The following MORN5 variants were observed in gnomAD, a reference collection of about 807,000 sequenced individuals.
The protein encoded by MORN5 is MORN repeat-containing protein 5.
In MORN5, 21 loss-of-function variants were observed where a neutral mutation model predicts 22.1. The observed-to-expected ratio is 0.95, with a 90% CI of 0.67 to 1.37. The LOEUF is 1.37. MORN5 is among the 40% of genes most tolerant of loss of function. The probability of loss-of-function intolerance (pLI) is 0.00; values close to 1 mark genes in which losing one functional copy is unlikely to be tolerated. For missense variants in MORN5, 211 were observed against 215.1 expected (o/e 0.98, Z 0.12); for synonymous variants, 73 against 74.0 (o/e 0.99, Z 0.07).
chr9:122,174,426 G>T, intron 3 of MORN5, 70 bp from the exon 4 acceptor site: 1 of 1,558,104 alleles, frequency 6.4e-7, no homozygotes, highest in Non-Finnish European at 8.8e-7. Context: ...GCCACAAGTG[G>T]ACCTTATGGG....
chr9:122,174,958 G>C, intron 4 of MORN5: 1 of 828,590 alleles, frequency 1.2e-6, no homozygotes, highest in Non-Finnish European at 1.5e-6. Context: ...GGTGTTGGGG[G>C]AAAAGCAGAG....
chr9:122,174,850 C>A (rs982871019), intron 4 of MORN5: 1 of 1,363,236 alleles, frequency 7.3e-7, no homozygotes, highest in South Asian at 1.5e-5. Context: ...CTAGCAGTGA[C>A]GGCACATAAA....
At chr9:122,186,512 A>G (rs975662682) in intron 4 of MORN5, among the ~76,000 whole-genome samples, 3 of 152,180 alleles carry the variant, frequency 2.0e-5, no homozygotes, top group Non-Finnish European at 2.9e-5. Flanking sequence ...CCATCCATAC[A>G]GCCCTGTCAG....
intron 4 of MORN5, among the ~76,000 whole-genome samples, chr9:122,179,282 C>G (rs575726877): frequency 4.5e-4 from 68 of 152,280 alleles, no homozygotes; most frequent in African/African-American, 1.5e-3. Context: ...TTATGGTTGT[C>G]TTTCACCCTA....
At chr9:122,162,631 AC>A (rs568720327) in intron 1 of MORN5, among the ~76,000 whole-genome samples, 35 of 152,368 alleles carry the variant, frequency 2.3e-4, no homozygotes, top group Middle Eastern at 6.8e-3. Flanking sequence ...TTGGAATACT[AC>A]TCAGCAATAA....
intron 4 of MORN5, among the ~76,000 whole-genome samples, chr9:122,188,126 T>A (rs1829678513): frequency 6.6e-6 from 1 of 152,220 alleles, no homozygotes; most frequent in East Asian, 1.9e-4. Flanking sequence ...GGACCCAGTG[T>A]GGGCTGGAGA....
chr9:122,184,816 G>A (rs968429488), intron 4 of MORN5, among the ~76,000 whole-genome samples: 2 of 152,220 alleles, frequency 1.3e-5, no homozygotes, highest in Admixed American at 1.3e-4. Context: ...AAGTGGCAGA[G>A]CTGGAATTGG....
At chr9:122,186,306 G>A (rs1829638183) in intron 4 of MORN5, among the ~76,000 whole-genome samples, 1 of 152,166 alleles carries the variant, frequency 6.6e-6, no homozygotes, top group Admixed American at 6.5e-5. Flanking sequence ...CTAGTAAAGG[G>A]AGGAACCAGG....
intron 4 of MORN5, chr9:122,175,464 T>G: frequency 1.0e-6 from 1 of 985,316 alleles, no homozygotes; most frequent in Non-Finnish European, 1.2e-6. Flanking sequence ...ACACAAATAA[T>G]AGAACATTTT....
chr9:122,170,639 G>T (rs941199643), intron 3 of MORN5, among the ~76,000 whole-genome samples: 4 of 152,148 alleles, frequency 2.6e-5, no homozygotes, highest in African/African-American at 9.7e-5. Context: ...TGAGGCTGTG[G>T]AGTTCAGACA....
intron 4 of MORN5, among the ~76,000 whole-genome samples, chr9:122,191,287 T>C (rs896864302): frequency 2.6e-5 from 4 of 152,240 alleles, no homozygotes; most frequent in South Asian, 2.1e-4. Context: ...TTCACGCTTA[T>C]GCTGGTGTGA....
chr9:122,183,956 C>T (rs557283505), intron 4 of MORN5, among the ~76,000 whole-genome samples: 36 of 152,274 alleles, frequency 2.4e-4, no homozygotes, highest in Middle Eastern at 3.4e-3. Flanking sequence ...TGAATGCACA[C>T]TCCATTAAAT....
intron 4 of MORN5, among the ~76,000 whole-genome samples, chr9:122,183,651 A>G (rs1829568410): frequency 6.6e-6 from 1 of 152,212 alleles, no homozygotes; most frequent in South Asian, 2.1e-4. Context: ...TGCCGTCAAG[A>G]TTCCCGCCAA....
At position 122,175,617 on chromosome 9, in the gene MORN5, T is replaced by TACACACAC. The variant is rs3048170; in HGVS notation, c.439+994_439+1001dup. ...ACGTGCACCCACACGCGCACATGCATACACACACACATTTTGCAGATAGTC... is the reference window on the plus strand; with the variant it reads ...ACGTGCACCCACACGCGCACATGCATACACACACACACACACACATTTTGCAGATAGTC... On this transcript the variant is annotated intron_variant, in intron 4 of 4. Transcript: ENST00000373764. 7.2e-6 allele frequency: 7 copies of TACACACAC among 969,558 alleles called. No individual in the cohort carries two copies. In the African/African-American group the frequency reaches 1.1e-4, roughly 15 times the overall value. 60.1% of individuals were successfully genotyped at this position (969,558 alleles called of 1,614,324 possible). A position where few individuals can be genotyped will look rare whatever the true frequency, so the allele number is the denominator to read the frequency against.
rs11314643 is a variant in MORN5, at chr9:122,181,528, TA to T, written c.439+6902del. On this transcript the variant is annotated intron_variant, in intron 4 of 4. Coordinates refer to ENST00000373764, the MANE Select transcript of MORN5 (RefSeq NM_198469.4). ...ATAAAGCCTTAAATGATAGCAACTG[TA>T]GACAGTTATTACATATTCTAATCAA... 9.2e-3 allele frequency among the ~76,000 whole-genome samples: 1,395 copies of T among 152,314 alleles called. 17 individuals carry two copies. Among genetic ancestry groups the T allele is most frequent in the African/African-American group, 0.031 (1,273 of 41,558 alleles).
intron 3 of MORN5, among the ~76,000 whole-genome samples, chr9:122,173,279 C>T (rs946276897): frequency 1.3e-5 from 2 of 152,212 alleles, no homozygotes; most frequent in Non-Finnish European, 2.9e-5. Flanking sequence ...TAGGGCAACT[C>T]GCCCTGCCTG....
At chr9:122,198,031 C>T (rs1829934043) in intron 4 of MORN5, among the ~76,000 whole-genome samples, 1 of 152,144 alleles carries the variant, frequency 6.6e-6, no homozygotes, top group African/African-American at 2.4e-5. Flanking sequence ...TGGAGGCAGC[C>T]TCAGCTCCTG....
chr9:122,175,755 T>TC (rs1283149043), intron 4 of MORN5: 17 of 948,788 alleles, frequency 1.8e-5, no homozygotes, highest in Non-Finnish European at 1.9e-5. Context: ...GAGCATCCTC[T>TC]CCCTATAGGG....
At chr9:122,169,462 C>T (rs558856087) in intron 2 of MORN5, among the ~76,000 whole-genome samples, 183 bp from the exon 3 acceptor site, 2 of 152,272 alleles carry the variant, frequency 1.3e-5, no homozygotes, top group East Asian at 1.9e-4. Context: ...CCACTTTGAG[C>T]GGCAGGGACA....
Sources: gnomAD v4.1 joint callset for allele counts (sites outside exome capture counted in the v4.1 genomes callset) on GRCh38, gnomAD v4.1.1 for gene constraint, MANE v1.5 for transcripts, NCBI Gene and HGNC (gene_info 2026-07-23, HGNC 2026-07-21) for gene names.